The following XKR4 variants were observed in gnomAD, a reference collection of about 807,000 sequenced individuals.
XKR4 encodes XK related 4.
A neutral mutation model predicts 53.9 loss-of-function variants in XKR4; 12 were observed. That is an observed-to-expected ratio of 0.22 (90% CI 0.14 to 0.36). XKR4 has a LOEUF of 0.36. Ranked by LOEUF, XKR4 falls within the 10% of genes least tolerant of loss-of-function variation. XKR4 has a pLI of 1.00. For missense variants in XKR4, 799 were observed against 859.5 expected (o/e 0.93, Z 0.88); for synonymous variants, 354 against 362.4 (o/e 0.98, Z 0.26).
chr8:55,336,823 C>T (rs1459125904), intron 1 of XKR4, among the ~76,000 whole-genome samples: 4 of 152,088 alleles, frequency 2.6e-5, no homozygotes, highest in Admixed American at 2.6e-4. Context: ...ACCATCAGCA[C>T]CATGAGGTCA....
In XKR4 at chr8:55,527,269, C is replaced by T. The variant is rs1196330917; in HGVS notation, c.*3042C>T. The T allele has an allele frequency of 6.6e-6, 1 of 152,186 alleles. No individual in the cohort carries two copies. Among genetic ancestry groups the T allele is most frequent in the Non-Finnish European group, 1.5e-5 (1 of 68,026 alleles). 9.4% of individuals were successfully genotyped at this position (152,186 alleles called of 1,614,324 possible). A position where few individuals can be genotyped will look rare whatever the true frequency, so the allele number is the denominator to read the frequency against. Reference sequence around the variant, plus strand: ...ATTTCCTTTTCAATCTGCCATTAAACCCTCCGCAGACAGTAACTGGAGAAT... The same window carrying T: ...ATTTCCTTTTCAATCTGCCATTAAATCCTCCGCAGACAGTAACTGGAGAAT... On this transcript the variant is annotated 3_prime_UTR_variant, in exon 3 of 3. Coordinates refer to ENST00000327381, the MANE Select transcript of XKR4 (RefSeq NM_052898.2).
chr8:55,353,586 G>C, intron 1 of XKR4, among the ~76,000 whole-genome samples: 1 of 152,210 alleles, frequency 6.6e-6, no homozygotes, highest in East Asian at 1.9e-4. Flanking sequence ...ACCACAGTCT[G>C]TCACACTCTG....
chr8:55,171,378 C>T (rs1317897447), intron 1 of XKR4, among the ~76,000 whole-genome samples: 1 of 152,058 alleles, frequency 6.6e-6, no homozygotes, highest in Non-Finnish European at 1.5e-5. Flanking sequence ...GTGCTTGAAC[C>T]CCACATCTAG....
intron 1 of XKR4, among the ~76,000 whole-genome samples, chr8:55,343,901 C>T (rs1803595034): frequency 6.6e-6 from 1 of 152,158 alleles, no homozygotes; most frequent in Admixed American, 6.5e-5. Flanking sequence ...AACACACTGC[C>T]TTAAAAAGAA....
chr8:55,404,661 G>A (rs761479195), intron 2 of XKR4, among the ~76,000 whole-genome samples: 1 of 152,208 alleles, frequency 6.6e-6, no homozygotes, highest in Non-Finnish European at 1.5e-5. Flanking sequence ...GCCTGAATCT[G>A]CTAAGTCTGA....
At chr8:55,146,831 G>A (rs1187594785) in intron 1 of XKR4, among the ~76,000 whole-genome samples, 1 of 152,206 alleles carries the variant, frequency 6.6e-6, no homozygotes, top group Non-Finnish European at 1.5e-5. Context: ...CCAGCTTCAG[G>A]GATGTACCAC....
At chr8:55,160,190 T>C (rs1585911457) in intron 1 of XKR4, among the ~76,000 whole-genome samples, 1 of 152,236 alleles carries the variant, frequency 6.6e-6, no homozygotes, top group Non-Finnish European at 1.5e-5. Flanking sequence ...GTATTTTTAC[T>C]CCAGCCATAT....
At chr8:55,208,252 T>G (rs946167685) in intron 1 of XKR4, among the ~76,000 whole-genome samples, 4 of 152,226 alleles carry the variant, frequency 2.6e-5, no homozygotes, top group Non-Finnish European at 4.4e-5. Flanking sequence ...TGCTGTATTT[T>G]AGTTAAAGAA....
At chr8:55,452,345 C>T in intron 2 of XKR4, 2 of 629,804 alleles carry the variant, frequency 3.2e-6, no homozygotes, top group Non-Finnish European at 5.8e-6. Context: ...CCTTCTCCCC[C>T]ACCAGGGGGT....
intron 1 of XKR4, among the ~76,000 whole-genome samples, chr8:55,289,172 C>T (rs1818947270): frequency 6.6e-6 from 1 of 152,070 alleles, no homozygotes. Context: ...GGGACACCTT[C>T]CTAAGAGTGC....
intron 2 of XKR4, among the ~76,000 whole-genome samples, chr8:55,419,715 G>C (rs1804897078): frequency 6.6e-6 from 1 of 152,176 alleles, no homozygotes; most frequent in South Asian, 2.1e-4. Flanking sequence ...CAGATTCTCA[G>C]TCTCTTCAAT....
chr8:55,316,875 G>T (rs1819485433), intron 1 of XKR4, among the ~76,000 whole-genome samples: 1 of 152,164 alleles, frequency 6.6e-6, no homozygotes, highest in Non-Finnish European at 1.5e-5. Flanking sequence ...TTTCCCTGGT[G>T]CAAATTCAAT....
intron 2 of XKR4, among the ~76,000 whole-genome samples, chr8:55,376,183 T>C (rs775778909): frequency 6.6e-6 from 1 of 152,206 alleles, no homozygotes; most frequent in African/African-American, 2.4e-5. Flanking sequence ...AGTCCTGCAG[T>C]GAACATACAT....
intron 1 of XKR4, among the ~76,000 whole-genome samples, chr8:55,210,086 ATTTTT>A (rs75698088): frequency 7.8e-5 from 11 of 141,770 alleles, no homozygotes; most frequent in East Asian, 2.1e-4. Flanking sequence ...CATCCTCTCC[ATTTTT>A]TTTTTTTTTT....
At chr8:55,377,210 A>C (rs963992330) in intron 2 of XKR4, among the ~76,000 whole-genome samples, 55 of 152,252 alleles carry the variant, frequency 3.6e-4, no homozygotes, top group African/African-American at 1.2e-3. Context: ...TGTCTCCACC[A>C]CTTAGTAACT....
chr8:55,285,873 C>G (rs1818901333), intron 1 of XKR4, among the ~76,000 whole-genome samples: 1 of 152,218 alleles, frequency 6.6e-6, no homozygotes, highest in Admixed American at 6.5e-5. Flanking sequence ...TGATGTCAAC[C>G]TATTACACCT....
chr8:55,263,972 T>C (rs959642432), intron 1 of XKR4, among the ~76,000 whole-genome samples: 1 of 152,204 alleles, frequency 6.6e-6, no homozygotes, highest in Non-Finnish European at 1.5e-5. Context: ...ATACGTGAGT[T>C]GTTTTAAAGG....
intron 1 of XKR4, among the ~76,000 whole-genome samples, chr8:55,315,620 T>C (rs1819461888): frequency 6.6e-6 from 1 of 152,122 alleles, no homozygotes; most frequent in Non-Finnish European, 1.5e-5. Flanking sequence ...GATCATGCCA[T>C]TGTACTCCAG....
At chr8:55,127,839 T>A (rs895512394) in intron 1 of XKR4, among the ~76,000 whole-genome samples, 2 of 151,794 alleles carry the variant, frequency 1.3e-5, no homozygotes, top group Non-Finnish European at 2.9e-5. Flanking sequence ...TGTTTGGTTT[T>A]CTGTCCTTGC....
Sources: gnomAD v4.1 joint callset for allele counts (sites outside exome capture counted in the v4.1 genomes callset) on GRCh38, gnomAD v4.1.1 for gene constraint, MANE v1.5 for transcripts, NCBI Gene and HGNC (gene_info 2026-07-23, HGNC 2026-07-21) for gene names.